The following ITGB3BP variants were observed in gnomAD, a reference collection of about 807,000 sequenced individuals.
ITGB3BP encodes the protein centromere protein R.
In ITGB3BP, 27 loss-of-function variants were observed where a neutral mutation model predicts 29.1. That is an observed-to-expected ratio of 0.93 (90% CI 0.68 to 1.28). ITGB3BP has a LOEUF of 1.28. ITGB3BP is among the 50% of genes most tolerant of loss of function. The pLI, the probability that ITGB3BP is intolerant of heterozygous loss-of-function variation, is 0.00. For synonymous variants in ITGB3BP, 61 were observed against 61.4 expected, an observed-to-expected ratio of 0.99 and a Z score of 0.03; for missense variants, 192 against 200.2, an observed-to-expected ratio of 0.96 and a Z score of 0.25.
At chr1:63,501,745 C>T (rs1315680707) in intron 2 of ITGB3BP, among the ~76,000 whole-genome samples, 1 of 151,846 alleles carries the variant, frequency 6.6e-6, no homozygotes, top group Non-Finnish European at 1.5e-5. Flanking sequence ...GCCTGTAGTC[C>T]CAGCTACCCT....
chr1:63,517,590 A>T, intron 1 of ITGB3BP, among the ~76,000 whole-genome samples: 1 of 152,152 alleles, frequency 6.6e-6, no homozygotes, highest in East Asian at 1.9e-4. Context: ...ATATAGAAAT[A>T]TATTGATCTT....
At chr1:63,461,848 C>T (rs960301153) in intron 4 of ITGB3BP, among the ~76,000 whole-genome samples, 15 of 152,208 alleles carry the variant, frequency 9.9e-5, no homozygotes, top group Admixed American at 9.8e-4. Flanking sequence ...ACGCCAGTGC[C>T]ATACTGTTTT....
At chr1:63,494,050 T>A (rs927647007) in intron 2 of ITGB3BP, among the ~76,000 whole-genome samples, 1 of 152,206 alleles carries the variant, frequency 6.6e-6, no homozygotes, top group African/African-American at 2.4e-5. Flanking sequence ...ATTATGAAAT[T>A]TACATTAGAA....
At chr1:63,465,586 G>C (rs1274436062) in intron 4 of ITGB3BP, among the ~76,000 whole-genome samples, 1 of 151,892 alleles carries the variant, frequency 6.6e-6, no homozygotes, top group East Asian at 1.9e-4. Flanking sequence ...GTAGAGATGG[G>C]ATCTCCCTAT....
At position 63,523,188 on chromosome 1, in the gene ITGB3BP, C is replaced by T; in HGVS notation, c.-55G>A. The T allele has an allele frequency of 6.2e-7, 1 of 1,612,442 alleles. No individual in the cohort carries two copies. Among genetic ancestry groups the T allele is most frequent in the Non-Finnish European group, 8.5e-7 (1 of 1,179,470 alleles). On this transcript the variant is annotated 5_prime_UTR_variant, in exon 1 of 9. Transcript: ENST00000271002. The stretch of plus-strand genomic sequence containing the variant: ...TGAATAAAACGAACCCAGCAACTTC[C>T]GAAAACAGAAAATCCGCCAAAGGAA...
At chr1:63,492,842 T>G (rs932122469) in intron 2 of ITGB3BP, among the ~76,000 whole-genome samples, 1 of 152,074 alleles carries the variant, frequency 6.6e-6, no homozygotes, top group Non-Finnish European at 1.5e-5. Context: ...GGCAGGGCAT[T>G]TCATGCCTGT....
At chr1:63,511,764 T>C (rs905303781) in intron 1 of ITGB3BP, among the ~76,000 whole-genome samples, 3 of 152,018 alleles carry the variant, frequency 2.0e-5, no homozygotes, top group Non-Finnish European at 4.4e-5. Flanking sequence ...GAATGGTGGT[T>C]GCCAGGGGCT....
chr1:63,442,851 G>C (rs1339680398), intron 8 of ITGB3BP: 1 of 152,084 alleles, frequency 6.6e-6, no homozygotes, highest in Non-Finnish European at 1.5e-5. Context: ...TTCATACTAA[G>C]CCTCATCCTT....
At chr1:63,510,284 A>G in intron 1 of ITGB3BP, 1 of 397,240 alleles carries the variant, frequency 2.5e-6, no homozygotes, top group Non-Finnish European at 4.5e-6. Context: ...AAGATGCAAT[A>G]GTATCTTTTA....
intron 2 of ITGB3BP, among the ~76,000 whole-genome samples, chr1:63,501,221 T>G (rs976708766): frequency 3.9e-5 from 6 of 152,178 alleles, no homozygotes; most frequent in Non-Finnish European, 2.9e-5. Flanking sequence ...ATGAAAGAGT[T>G]AATACTATAA....
rs187180231 is a variant in ITGB3BP, at chr1:63,487,833, T to C, written c.184+2250A>G. 6.6e-5 allele frequency among the ~76,000 whole-genome samples: 10 copies of C among 152,184 alleles called. No individual in the cohort carries two copies. In the East Asian group the frequency reaches 1.7e-3, roughly 26 times the overall value. On this transcript the variant is annotated intron_variant, in intron 3 of 8. Transcript: ENST00000271002. ...ATGACTAGCAGCGAGCTAGGTTTGTTTACACTGGCATCACCACAAAAATGT... is the reference window on the plus strand; with the variant it reads ...ATGACTAGCAGCGAGCTAGGTTTGTCTACACTGGCATCACCACAAAAATGT...
At chr1:63,516,723 A>AG (rs1480585985) in intron 1 of ITGB3BP, among the ~76,000 whole-genome samples, 1 of 151,324 alleles carries the variant, frequency 6.6e-6, no homozygotes, top group Non-Finnish European at 1.5e-5. Flanking sequence ...AAAAAAAAAA[A>AG]AAAAGAAAAA....
Position 63,447,078 on chromosome 1 carries a change from TC to T in ITGB3BP, c.485-223del. Reference sequence around the variant, plus strand: ...CATTTTCAAATTTATTACGAAAACTTCCAAGACATTTATTACAATACATGCT... The same window carrying T: ...CATTTTCAAATTTATTACGAAAACTTCAAGACATTTATTACAATACATGCT... On this transcript the variant is annotated intron_variant, in intron 7 of 8. Coordinates refer to ENST00000271002, the MANE Select transcript of ITGB3BP (RefSeq NM_014288.5). 7.8e-6 allele frequency: 4 copies of T among 512,930 alleles called. No individual in the cohort carries two copies. In the South Asian group the frequency reaches 9.9e-5, roughly 13 times the overall value. 31.8% of individuals were successfully genotyped at this position (512,930 alleles called of 1,614,324 possible). A position where few individuals can be genotyped will look rare whatever the true frequency, so the allele number is the denominator to read the frequency against.
At chr1:63,450,695 T>C (rs1472641214) in intron 7 of ITGB3BP, among the ~76,000 whole-genome samples, 1 of 151,954 alleles carries the variant, frequency 6.6e-6, no homozygotes, top group Non-Finnish European at 1.5e-5. Context: ...CATTTCATTA[T>C]TTTCCTAATA....
intron 4 of ITGB3BP, among the ~76,000 whole-genome samples, chr1:63,460,968 C>G (rs9436675): frequency 6.6e-6 from 1 of 151,760 alleles, no homozygotes; most frequent in African/African-American, 2.4e-5. Context: ...GGCCTGGCGC[C>G]GTGGCTCATG....
chr1:63,446,220 C>A (rs1374948521), intron 8 of ITGB3BP, among the ~76,000 whole-genome samples: 6 of 152,080 alleles, frequency 3.9e-5, no homozygotes, highest in African/African-American at 9.7e-5. Context: ...TTAATGTGAA[C>A]CTTCAGTTAT....
intron 4 of ITGB3BP, among the ~76,000 whole-genome samples, chr1:63,470,052 TATTCCTTTA>T (rs1166838313): frequency 2.0e-5 from 3 of 152,262 alleles, no homozygotes; most frequent in African/African-American, 4.8e-5. Flanking sequence ...TAGCCCAACC[TATTCCTTTA>T]ATTCCTTTAA....
chr1:63,446,602 A>G (rs1644793913), intron 8 of ITGB3BP: 1 of 534,386 alleles, frequency 1.9e-6, no homozygotes, highest in Non-Finnish European at 3.4e-6. Flanking sequence ...GTTCTTTCCA[A>G]TCAGCCTCTA....
At chr1:63,483,151 C>G (rs1645469881) in intron 3 of ITGB3BP, among the ~76,000 whole-genome samples, 1 of 152,078 alleles carries the variant, frequency 6.6e-6, no homozygotes, top group Non-Finnish European at 1.5e-5. Context: ...ATCTTTCATT[C>G]AGATTACTTT....
Sources: gnomAD v4.1 joint callset for allele counts (sites outside exome capture counted in the v4.1 genomes callset) on GRCh38, gnomAD v4.1.1 for gene constraint, MANE v1.5 for transcripts, NCBI Gene and HGNC (gene_info 2026-07-23, HGNC 2026-07-21) for gene names.